The following SSBP2 variants were observed in gnomAD, a reference collection of about 807,000 sequenced individuals.
SSBP2 encodes single-stranded DNA-binding protein 2.
Under a neutral mutation model 61.8 loss-of-function variants are expected in SSBP2, and 17 were observed. That is an observed-to-expected ratio of 0.28 (90% CI 0.19 to 0.41). SSBP2 has a LOEUF of 0.41. Ranked by LOEUF, SSBP2 falls within the 10% of genes least tolerant of loss-of-function variation. The pLI, the probability that SSBP2 is intolerant of heterozygous loss-of-function variation, is 1.00. For missense variants in SSBP2, 310 were observed against 458.7 expected, an observed-to-expected ratio of 0.68 and a Z score of 2.96; for synonymous variants, 139 against 141.3, an observed-to-expected ratio of 0.98 and a Z score of 0.12.
chr5:81,627,331 C>T (rs1192279303), intron 3 of SSBP2, among the ~76,000 whole-genome samples: 1 of 152,144 alleles, frequency 6.6e-6, no homozygotes, highest in Non-Finnish European at 1.5e-5. Context: ...TCCCTTCTCA[C>T]TCTTATCAGC....
chr5:81,499,842 C>A (rs1767564106), intron 5 of SSBP2, among the ~76,000 whole-genome samples: 1 of 152,178 alleles, frequency 6.6e-6, no homozygotes. Flanking sequence ...TTCCTACTTT[C>A]ATGTAAACTT....
chr5:81,536,667 A>AAAACTTC (rs1423086483), intron 4 of SSBP2, among the ~76,000 whole-genome samples: 2 of 152,156 alleles, frequency 1.3e-5, no homozygotes, highest in African/African-American at 4.8e-5. Context: ...GATCTTTTTA[A>AAAACTTC]AAACTTCACC....
intron 4 of SSBP2, among the ~76,000 whole-genome samples, chr5:81,576,515 TA>T (rs1370648400): frequency 1.3e-5 from 2 of 151,990 alleles, no homozygotes; most frequent in African/African-American, 4.8e-5. Context: ...GCCTAGATAA[TA>T]AAAAGGCTAG....
At chr5:81,553,865 C>G (rs1170363592) in intron 4 of SSBP2, among the ~76,000 whole-genome samples, 1 of 151,790 alleles carries the variant, frequency 6.6e-6, no homozygotes, top group East Asian at 1.9e-4. Context: ...TACCTTTATC[C>G]TTTCCTGCTT....
intron 1 of SSBP2, among the ~76,000 whole-genome samples, chr5:81,734,799 G>T (rs1163905283): frequency 1.3e-5 from 2 of 151,846 alleles, no homozygotes; most frequent in Admixed American, 1.3e-4. Flanking sequence ...GTGAAACTCT[G>T]TCTCTACTAA....
chr5:81,523,448 C>T (rs1769649717), intron 4 of SSBP2, among the ~76,000 whole-genome samples: 1 of 151,958 alleles, frequency 6.6e-6, no homozygotes, highest in Non-Finnish European at 1.5e-5. Flanking sequence ...GATACATTCA[C>T]ATTTGTACGT....
chr5:81,549,618 G>A (rs1772018606), intron 4 of SSBP2, among the ~76,000 whole-genome samples: 1 of 152,182 alleles, frequency 6.6e-6, no homozygotes, highest in African/African-American at 2.4e-5. Flanking sequence ...ATAATGGTGT[G>A]TGGTAGTATC....
In SSBP2 at chr5:81,556,817, T is replaced by C. The variant is rs139184257; in HGVS notation, c.283-43100A>G. Among the ~76,000 whole-genome samples, 64 of 152,280 alleles carry C rather than the reference T, an allele frequency of 4.2e-4. No homozygotes were observed. The East Asian group carries it at 0.012, about 28-fold the overall frequency. ...ATTTTCTCAGGCAACTCACTTAACTTCTCTATACCTCATTTTTTCATTATC... is the reference window on the plus strand; with the variant it reads ...ATTTTCTCAGGCAACTCACTTAACTCCTCTATACCTCATTTTTTCATTATC... On this transcript the variant is annotated intron_variant, in intron 4 of 16. Transcript: ENST00000320672.
chr5:81,741,834 A>G (rs1329734129), intron 1 of SSBP2, among the ~76,000 whole-genome samples: 2 of 152,218 alleles, frequency 1.3e-5, no homozygotes, highest in South Asian at 2.1e-4. Flanking sequence ...TGTTTAACAC[A>G]CTGTAACAAT....
intron 4 of SSBP2, among the ~76,000 whole-genome samples, chr5:81,535,316 A>G (rs1482269649): frequency 6.6e-6 from 1 of 152,174 alleles, no homozygotes; most frequent in Non-Finnish European, 1.5e-5. Context: ...GTTCATGAAT[A>G]GGAAGACTCA....
intron 6 of SSBP2, among the ~76,000 whole-genome samples, chr5:81,485,382 A>G (rs1233264441): frequency 6.6e-6 from 1 of 152,192 alleles, no homozygotes; most frequent in Non-Finnish European, 1.5e-5. Flanking sequence ...AGTGCTATAC[A>G]TATACAAAGA....
At chr5:81,732,293 A>G (rs1756324034) in intron 1 of SSBP2, among the ~76,000 whole-genome samples, 1 of 152,194 alleles carries the variant, frequency 6.6e-6, no homozygotes, top group Admixed American at 6.5e-5. Context: ...ATATGAATAA[A>G]TCAATATAAA....
chr5:81,550,159 T>C (rs1472085937), intron 4 of SSBP2, among the ~76,000 whole-genome samples: 2 of 152,230 alleles, frequency 1.3e-5, no homozygotes, highest in Admixed American at 1.3e-4. Flanking sequence ...TACACGAACG[T>C]TAATAGTAAT....
At chr5:81,490,980 A>G (rs527634933) in intron 5 of SSBP2, among the ~76,000 whole-genome samples, 49 of 152,302 alleles carry the variant, frequency 3.2e-4, no homozygotes, top group African/African-American at 1.1e-3. Context: ...CTCATTTATC[A>G]TTTTGAAACT....
chr5:81,703,551 AAG>A (rs1561709387), intron 1 of SSBP2, among the ~76,000 whole-genome samples: 1 of 152,072 alleles, frequency 6.6e-6, no homozygotes, highest in Non-Finnish European at 1.5e-5. Context: ...CTAAAACTTA[AAG>A]TATAATAATA....
intron 4 of SSBP2, among the ~76,000 whole-genome samples, chr5:81,530,615 A>G (rs576065923): frequency 6.6e-6 from 1 of 152,214 alleles, no homozygotes; most frequent in South Asian, 2.1e-4. Context: ...AAAACTTTAA[A>G]ACAAATGAAG....
At chr5:81,538,067 T>C (rs1243233391) in intron 4 of SSBP2, among the ~76,000 whole-genome samples, 1 of 152,062 alleles carries the variant, frequency 6.6e-6, no homozygotes, top group Non-Finnish European at 1.5e-5. Flanking sequence ...GCTCAGTGAG[T>C]AAGGCACGTC....
At chr5:81,493,249 A>AACAGATAGATAGATAG (rs1282531577) in intron 5 of SSBP2, among the ~76,000 whole-genome samples, 2 of 128,192 alleles carry the variant, frequency 1.6e-5, no homozygotes, top group African/African-American at 5.9e-5. Context: ...GAATGAACAA[A>AACAGATAGATAGATAG]ACAGATAGAT....
At chr5:81,604,862 T>C (rs765667721) in intron 4 of SSBP2, among the ~76,000 whole-genome samples, 1 of 152,146 alleles carries the variant, frequency 6.6e-6, no homozygotes, top group Non-Finnish European at 1.5e-5. Context: ...ATGTTTCATA[T>C]GTTTTAGAGG....
Sources: allele counts gnomAD v4.1 joint callset (sites outside exome capture counted in the v4.1 genomes callset), GRCh38; gene constraint gnomAD v4.1.1; transcripts MANE v1.5; gene names NCBI Gene and HGNC (gene_info 2026-07-23, HGNC 2026-07-21).